NALCN: variants seen among roughly 807,000 people sequenced by gnomAD.
NALCN encodes the protein sodium leak channel, non-selective.
A neutral mutation model predicts 225.3 loss-of-function variants in NALCN; 111 were observed. The ratio of observed to expected loss-of-function variants is 0.49; its 90% CI spans 0.42 to 0.58. NALCN has a LOEUF of 0.58. Among genes scored for constraint, NALCN ranks in the 20% least tolerant of loss-of-function variants. NALCN has a pLI of 0.00. For synonymous variants in NALCN, 764 were observed against 769.0 expected (o/e 0.99, Z 0.11); for missense variants, 1,378 against 2,202.4 (o/e 0.63, Z 7.49).
intron 39 of NALCN, among the ~76,000 whole-genome samples, chr13:101,066,770 G>A (rs1309445642): frequency 2.0e-5 from 3 of 152,120 alleles, no homozygotes; most frequent in Non-Finnish European, 2.9e-5. Flanking sequence ...TGGGGTGAGT[G>A]CACTGCCGGA....
At chr13:101,156,409 A>G (rs904438378) in intron 15 of NALCN, among the ~76,000 whole-genome samples, 2 of 152,168 alleles carry the variant, frequency 1.3e-5, no homozygotes, top group African/African-American at 2.4e-5. Flanking sequence ...CTCAGCAGAA[A>G]GAGCGGGGAA....
At chr13:101,067,743 C>T (rs1053624519) in intron 39 of NALCN, among the ~76,000 whole-genome samples, 175 bp downstream of exon 39, 7 of 152,162 alleles carry the variant, frequency 4.6e-5, no homozygotes, top group Admixed American at 2.0e-4. Flanking sequence ...TAAGGAGGAA[C>T]GATGCTGTCT....
intron 13 of NALCN, among the ~76,000 whole-genome samples, chr13:101,227,386 C>T (rs1338974642): frequency 6.6e-6 from 1 of 152,034 alleles, no homozygotes; most frequent in Non-Finnish European, 1.5e-5. Flanking sequence ...GCCAGACACA[C>T]CTGAATGTGT....
chr13:101,181,058 G>C, intron 14 of NALCN: 2 of 517,920 alleles, frequency 3.9e-6, no homozygotes, highest in South Asian at 2.8e-5. Flanking sequence ...GAGCCCATCT[G>C]GGCACATGGG....
intron 13 of NALCN, among the ~76,000 whole-genome samples, chr13:101,222,132 G>A (rs551015822): frequency 6.6e-6 from 1 of 152,212 alleles, no homozygotes; most frequent in South Asian, 2.1e-4. Context: ...CTTCTCAACA[G>A]TGGCATATTT....
chr13:101,155,684 C>A (rs969071773), intron 15 of NALCN, among the ~76,000 whole-genome samples: 2 of 152,134 alleles, frequency 1.3e-5, no homozygotes, highest in Admixed American at 6.5e-5. Flanking sequence ...CTGACTCCAA[C>A]TGACACTTAG....
intron 7 of NALCN, among the ~76,000 whole-genome samples, chr13:101,306,885 G>A (rs1367139638): frequency 6.6e-6 from 1 of 152,184 alleles, no homozygotes; most frequent in Non-Finnish European, 1.5e-5. Flanking sequence ...AGGAAGTTCA[G>A]GTGCTATTAT....
chr13:101,259,753 C>T (rs867002168), intron 10 of NALCN, among the ~76,000 whole-genome samples: 161 of 62,098 alleles, frequency 2.6e-3, no homozygotes, highest in South Asian at 7.0e-3. Flanking sequence ...TATATATATA[C>T]ACACACACAT....
At chr13:101,131,652 A>G (rs1015756524) in intron 17 of NALCN, among the ~76,000 whole-genome samples, 1 of 152,158 alleles carries the variant, frequency 6.6e-6, no homozygotes, top group Admixed American at 6.6e-5. Context: ...TTCCATGAAC[A>G]TTGGACGCTC....
chr13:101,218,504 C>T (rs2040822491), intron 13 of NALCN, among the ~76,000 whole-genome samples: 1 of 152,068 alleles, frequency 6.6e-6, no homozygotes, highest in African/African-American at 2.4e-5. Context: ...ATGGCCATAT[C>T]CCCGTGTCAT....
At chr13:101,102,133 A>T (rs1390480707) in intron 26 of NALCN, among the ~76,000 whole-genome samples, 2 of 152,086 alleles carry the variant, frequency 1.3e-5, no homozygotes, top group African/African-American at 2.4e-5. Context: ...AATACAAAAA[A>T]TTAACTGGGA....
At chr13:101,093,515 G>A (rs1191325336) in intron 28 of NALCN, among the ~76,000 whole-genome samples, 1 of 152,216 alleles carries the variant, frequency 6.6e-6, no homozygotes, top group Non-Finnish European at 1.5e-5. Flanking sequence ...AAGAGCACTT[G>A]TGATGATGTT....
intron 10 of NALCN, among the ~76,000 whole-genome samples, chr13:101,281,409 CA>C (rs1376585674): frequency 6.6e-6 from 1 of 152,050 alleles, no homozygotes; most frequent in East Asian, 1.9e-4. Context: ...CAGTAAATAT[CA>C]GTTGATGGAT....
intron 18 of NALCN, 50 bp from the exon 19 acceptor site, chr13:101,111,276 G>A (rs2035422054): frequency 1.3e-6 from 2 of 1,489,088 alleles, no homozygotes; most frequent in Non-Finnish European, 1.8e-6. Context: ...GTACACTTGA[G>A]ATGAATAACA....
intron 7 of NALCN, among the ~76,000 whole-genome samples, chr13:101,338,002 AC>A (rs2045437629): frequency 6.6e-6 from 1 of 152,132 alleles, no homozygotes; most frequent in African/African-American, 2.4e-5. Context: ...TGGATGCAAA[AC>A]CTTTTCACTG....
rs185526071 is a variant in NALCN at position 101,345,533 on chromosome 13, C to T, written c.645-113G>A. ...CTATGTATCTGGCCAAGTGAGGTTGCTCATGCCTGTAATCGTTGCACTTTG... is the reference window on the plus strand; with the variant it reads ...CTATGTATCTGGCCAAGTGAGGTTGTTCATGCCTGTAATCGTTGCACTTTG... On this transcript the variant is annotated intron_variant, in intron 6 of 43. Transcript: ENST00000251127. 3 of 1,258,046 alleles carry T rather than the reference C, an allele frequency of 2.4e-6. No individual in the cohort carries two copies. In the African/African-American group the frequency reaches 4.5e-5, roughly 19 times the overall value. 77.9% of individuals were successfully genotyped at this position (1,258,046 alleles called of 1,614,324 possible).
rs16958606 is a variant in NALCN at position 101,191,623 on chromosome 13, G to A, written c.1764+294C>T. Among the ~76,000 whole-genome samples the A allele has an allele frequency of 0.039, 5,904 of 152,228 alleles. 368 individuals carry two copies. The highest frequency in any genetic ancestry group is 0.14 in the African/African-American group (5,644 of 41,492). ...GGTTTGATCCTGAGATCATCTAGGT[G>A]TGAATGCTTGGGGATACTTAAATTG... is the stretch of plus-strand genomic sequence containing the variant. On this transcript the variant is annotated intron_variant, in intron 14 of 43. Transcript: ENST00000251127.
intron 3 of NALCN, among the ~76,000 whole-genome samples, chr13:101,385,182 C>T (rs2046952895): frequency 6.6e-6 from 1 of 152,156 alleles, no homozygotes; most frequent in Non-Finnish European, 1.5e-5. Flanking sequence ...CTTCTGACTA[C>T]TTTGAGCTCG....
chr13:101,297,436 A>G (rs1175842475), intron 7 of NALCN, among the ~76,000 whole-genome samples: 1 of 152,192 alleles, frequency 6.6e-6, no homozygotes, highest in East Asian at 1.9e-4. Flanking sequence ...GATTTATTTT[A>G]TGACCATCCA....
Sources: gnomAD v4.1 joint callset for allele counts (sites outside exome capture counted in the v4.1 genomes callset) on GRCh38, gnomAD v4.1.1 for gene constraint, MANE v1.5 for transcripts, NCBI Gene and HGNC (gene_info 2026-07-23, HGNC 2026-07-21) for gene names.